Variants in RGSL1 observed in about 807,000 individuals in gnomAD.
The protein encoded by RGSL1 is regulator of G protein signaling protein-like.
Under a neutral mutation model 124.7 loss-of-function variants are expected in RGSL1, and 97 were observed. The ratio of observed to expected loss-of-function variants is 0.78; its 90% CI spans 0.66 to 0.92. The LOEUF is 0.92. Among genes scored for constraint, RGSL1 ranks in the 40% least tolerant of loss-of-function variants. The pLI is 0.00. For synonymous variants in RGSL1, 424 were observed against 438.1 expected (o/e 0.97, Z 0.40); for missense variants, 1,233 against 1,288.4 (o/e 0.96, Z 0.66).
rs1215955391 is a variant in RGSL1 at position 182,552,144 on chromosome 1, C to T, written c.3043+935C>T. On this transcript the variant is annotated intron_variant, in intron 18 of 21. Coordinates refer to ENST00000294854, the MANE Select transcript of RGSL1 (RefSeq NM_001137669.2). ...TTTTTTTTTTTTTGAGAGGCAGTCT[C>T]GCTCTGTGGCCCAGGCTGGAGTGCA... is the stretch of plus-strand genomic sequence containing the variant. 2.7e-5 allele frequency among the ~76,000 whole-genome samples: 4 copies of T among 150,580 alleles called. No individual in the cohort carries two copies. In the South Asian group the frequency reaches 6.3e-4, roughly 24 times the overall value.
Position 182,512,501 on chromosome 1 carries a change from G to A in RGSL1, c.1826-9503G>A, listed in dbSNP as rs375464440. 3.7e-4 allele frequency among the ~76,000 whole-genome samples: 56 copies of A among 152,278 alleles called. 1 individual carries two copies. The East Asian group carries it at 7.1e-3, about 19-fold the overall frequency. ...AAACCCCTTATGGGAGGAGGGGCAC[G>A]CAGACAGGCAGGTTCAGGAGCCAGG... is the stretch of plus-strand genomic sequence containing the variant. On this transcript the variant is annotated intron_variant, in intron 9 of 21. Coordinates refer to ENST00000294854, the MANE Select transcript of RGSL1 (RefSeq NM_001137669.2).
chr1:182,545,979 C>A (rs557606937), intron 15 of RGSL1, among the ~76,000 whole-genome samples: 1 of 152,236 alleles, frequency 6.6e-6, no homozygotes, highest in African/African-American at 2.4e-5. Context: ...AGAATGTTTT[C>A]TGTTATTATT....
intron 3 of RGSL1, 60 bp downstream of exon 3, chr1:182,458,453 T>A (rs2101991094): frequency 1.5e-6 from 2 of 1,346,546 alleles, no homozygotes; most frequent in Non-Finnish European, 2.1e-6. Flanking sequence ...ACTATAATTG[T>A]TTTTTGTTGT....
intron 9 of RGSL1, among the ~76,000 whole-genome samples, chr1:182,501,399 A>C (rs901136010): frequency 2.3e-5 from 3 of 128,448 alleles, no homozygotes; most frequent in African/African-American, 9.0e-5. Context: ...GCTCACTGCA[A>C]TCTCCATCTC....
intron 2 of RGSL1, among the ~76,000 whole-genome samples, chr1:182,456,299 CT>C (rs113276872): frequency 0.016 from 2,198 of 141,682 alleles, 37 homozygotes; most frequent in Middle Eastern, 0.056. Flanking sequence ...CAGAAGTAAT[CT>C]TTTTTTTTTT....
At chr1:182,520,434 A>G (rs1180890279) in intron 9 of RGSL1, among the ~76,000 whole-genome samples, 2 of 152,198 alleles carry the variant, frequency 1.3e-5, no homozygotes, top group African/African-American at 4.8e-5. Context: ...AATAAAAGCA[A>G]TATCCAATGT....
At chr1:182,496,102 G>A (rs1264155919) in intron 9 of RGSL1, among the ~76,000 whole-genome samples, 1 of 152,042 alleles carries the variant, frequency 6.6e-6, no homozygotes, top group Non-Finnish European at 1.5e-5. Flanking sequence ...TTGGCTTCTG[G>A]GGAGGCCTCA....
intron 18 of RGSL1, among the ~76,000 whole-genome samples, chr1:182,552,040 C>T (rs1433961362): frequency 6.6e-6 from 1 of 152,100 alleles, no homozygotes; most frequent in Non-Finnish European, 1.5e-5. Context: ...TTCACACAAC[C>T]ACAAAATCAC....
intron 9 of RGSL1, among the ~76,000 whole-genome samples, chr1:182,509,493 G>T (rs1360514062): frequency 1.7e-4 from 12 of 68,578 alleles, no homozygotes; most frequent in Non-Finnish European, 2.8e-4. Flanking sequence ...GCGGGGGGCT[G>T]ACCCCCCCAC....
At position 182,503,974 on chromosome 1, in the gene RGSL1, CTTT is replaced by C. The variant is rs71124902; in HGVS notation, c.1825+10867_1825+10869del. ...TTTTATTTGGTCCCTTTTGTAATTT[CTTT>C]TTTTTTTTTTTTTTTTTTTTTGAGA... On this transcript the variant is annotated intron_variant, in intron 9 of 21. Coordinates refer to ENST00000294854, the MANE Select transcript of RGSL1 (RefSeq NM_001137669.2). 1.1e-3 allele frequency among the ~76,000 whole-genome samples: 126 copies of C among 118,220 alleles called. 17 individuals are homozygous for C. The highest frequency in any genetic ancestry group is 1.7e-3 in the Non-Finnish European group (97 of 58,728). The allele number at this position is 118,220 out of a possible 152,430, so 77.6% of individuals were successfully genotyped here. A position where few individuals can be genotyped will look rare whatever the true frequency, so the allele number is the denominator to read the frequency against.
chr1:182,543,428 A>G (rs938721730), intron 15 of RGSL1, among the ~76,000 whole-genome samples: 3 of 152,206 alleles, frequency 2.0e-5, no homozygotes, highest in Admixed American at 6.5e-5. Context: ...GATCTTTTCA[A>G]TGTGTTGTTG....
chr1:182,538,347 G>T (rs1659676939), intron 14 of RGSL1, among the ~76,000 whole-genome samples: 1 of 152,022 alleles, frequency 6.6e-6, no homozygotes, highest in South Asian at 2.1e-4. Context: ...GACCAATATG[G>T]TGACACTCCG....
chr1:182,473,850 T>A lies in RGSL1; in HGVS notation c.739T>A (p.Ser247Thr). ...GTGCCACCACTTTCAGAAACGGTAC[T>A]CAAGCAGGAAAGCCAAGAGGAAGAT... Reference protein sequence around the residue: ...KKCHHFQKRYSSRKAKRKMWQ... With the variant: ...KKCHHFQKRYTSRKAKRKMWQ... The change falls in exon 6 of 22, where the codon TCA becomes ACA. Residue 247 changes from serine (S) to threonine (T), a missense_variant. By Grantham distance (58) the Ser-to-Thr change is moderately conservative. Transcript: ENST00000294854. 5.2e-6 allele frequency: 8 copies of A among 1,551,748 alleles called. No homozygotes were observed. The highest frequency in any genetic ancestry group is 6.1e-6 in the Non-Finnish European group (7 of 1,146,996).
chr1:182,478,907 G>A (rs918287188), intron 6 of RGSL1, among the ~76,000 whole-genome samples: 1 of 152,166 alleles, frequency 6.6e-6, no homozygotes, highest in Non-Finnish European at 1.5e-5. Context: ...CAGAAACCTT[G>A]TAGTCCAGGA....
chr1:182,451,632 T>C (rs888603978), intron 1 of RGSL1, among the ~76,000 whole-genome samples: 10 of 150,274 alleles, frequency 6.7e-5, no homozygotes, highest in Non-Finnish European at 5.9e-5. Context: ...GAAATGAGAC[T>C]GGGAGGAAAC....
chr1:182,504,830 A>T (rs1345806495), intron 9 of RGSL1, among the ~76,000 whole-genome samples: 2 of 152,120 alleles, frequency 1.3e-5, no homozygotes, highest in Non-Finnish European at 2.9e-5. Flanking sequence ...CTGTGTTGGG[A>T]TGCTCTTTCA....
intron 4 of RGSL1, among the ~76,000 whole-genome samples, chr1:182,461,215 AGTAACT>A (rs1652807364): frequency 6.6e-6 from 1 of 152,086 alleles, no homozygotes; most frequent in Admixed American, 6.6e-5. Context: ...AAAATTAGAA[AGTAACT>A]GCCTATGCTT....
intron 8 of RGSL1, among the ~76,000 whole-genome samples, chr1:182,490,453 C>G (rs1571557193): frequency 6.6e-6 from 1 of 152,198 alleles, no homozygotes; most frequent in East Asian, 1.9e-4. Flanking sequence ...AATATGCACT[C>G]TGTATACAAA....
chr1:182,523,967 TTA>T (rs1419155973), intron 10 of RGSL1, among the ~76,000 whole-genome samples: 5 of 151,992 alleles, frequency 3.3e-5, no homozygotes, highest in Admixed American at 3.3e-4. Flanking sequence ...TACAAAGAAA[TTA>T]GAGTATTTTG....
Sources: allele counts gnomAD v4.1 joint callset (sites outside exome capture counted in the v4.1 genomes callset), GRCh38; gene constraint gnomAD v4.1.1; transcripts MANE v1.5; gene names NCBI Gene and HGNC (gene_info 2026-07-23, HGNC 2026-07-21).